Variants in SBF2 observed in about 807,000 individuals in gnomAD.
SBF2 encodes myotubularin-related protein 13.
SBF2 carries 112 observed loss-of-function variants against 225.2 expected under a neutral mutation model. That is an observed-to-expected ratio of 0.50 (90% CI 0.43 to 0.58). SBF2 has a LOEUF of 0.58. SBF2 is among the 20% of genes least tolerant of loss of function. The pLI, the probability that SBF2 is intolerant of heterozygous loss-of-function variation, is 0.00. For missense variants in SBF2, 1,996 were observed against 2,206.2 expected (o/e 0.90, Z 1.91); for synonymous variants, 763 against 773.3 (o/e 0.99, Z 0.22).
At chr11:9,786,088 G>A (rs986036251) in intron 36 of SBF2, among the ~76,000 whole-genome samples, 3 of 152,006 alleles carry the variant, frequency 2.0e-5, no homozygotes, top group Admixed American at 6.5e-5. Context: ...TGCTGGTCTC[G>A]AACTCCTGAC....
intron 1 of SBF2, among the ~76,000 whole-genome samples, chr11:10,222,574 T>G (rs1323478059): frequency 2.0e-5 from 3 of 152,142 alleles, no homozygotes; most frequent in Non-Finnish European, 4.4e-5. Flanking sequence ...ATTACCGAAT[T>G]TGAAGAACTG....
At chr11:10,167,184 G>A (rs1443811504) in intron 2 of SBF2, among the ~76,000 whole-genome samples, 1 of 151,974 alleles carries the variant, frequency 6.6e-6, no homozygotes, top group Non-Finnish European at 1.5e-5. Context: ...ATACAAATAG[G>A]TCACACATTA....
intron 1 of SBF2, among the ~76,000 whole-genome samples, chr11:10,284,168 C>T (rs967421884): frequency 6.6e-6 from 1 of 152,140 alleles, no homozygotes; most frequent in African/African-American, 2.4e-5. Context: ...ACCCAGTTCC[C>T]TCCACTGGTG....
chr11:9,972,501 G>T (rs143729656), intron 13 of SBF2, among the ~76,000 whole-genome samples: 6 of 152,234 alleles, frequency 3.9e-5, no homozygotes, highest in African/African-American at 1.4e-4. Flanking sequence ...TTGTTTTTGA[G>T]ACAGAGTTTC....
chr11:10,008,892 T>A (rs1372835235), intron 6 of SBF2, among the ~76,000 whole-genome samples: 1 of 152,248 alleles, frequency 6.6e-6, no homozygotes, highest in East Asian at 1.9e-4. Context: ...TCTCAATGCT[T>A]ACCTCTTTTC....
chr11:10,177,314 TCAA>T (rs893617831), intron 2 of SBF2, among the ~76,000 whole-genome samples: 3 of 147,200 alleles, frequency 2.0e-5, no homozygotes, highest in Non-Finnish European at 4.5e-5. Context: ...CCACTCCTAT[TCAA>T]CATAGTGTTG....
At chr11:10,231,637 G>T (rs903679544) in intron 1 of SBF2, among the ~76,000 whole-genome samples, 1 of 152,198 alleles carries the variant, frequency 6.6e-6, no homozygotes, top group Non-Finnish European at 1.5e-5. Context: ...TTGGTGAACT[G>T]CAAATGCTGC....
At chr11:10,295,782 C>T (rs1210963922), upstream of SBF2, among the ~76,000 whole-genome samples, 3 of 152,112 alleles carry the variant, frequency 2.0e-5, no homozygotes, top group Admixed American at 6.5e-5. Flanking sequence ...CTGTAACTTC[C>T]CCTGATTCTG....
chr11:10,151,871 GAATA>G (rs1955211881), intron 2 of SBF2, among the ~76,000 whole-genome samples: 1 of 152,074 alleles, frequency 6.6e-6, no homozygotes, highest in South Asian at 2.1e-4. Flanking sequence ...ATTTTCCAAT[GAATA>G]GTCAACATTA....
Position 10,000,926 on chromosome 11 carries a change from A to G in SBF2, c.849T>C (p.Asp283=). Reference sequence around the variant, plus strand: ...GATGAATACTTACAAGTTCATGGACATCAGTTTTAAAGACAGAATGTACTC... The same window carrying G: ...GATGAATACTTACAAGTTCATGGACGTCAGTTTTAAAGACAGAATGTACTC... ...IIGVHSVFKT[D]VHELLDVIIA... The change falls in exon 8 of 40, where the codon GAT becomes GAC. Residue 283 remains aspartate, a synonymous_variant. Coordinates refer to ENST00000256190, the MANE Select transcript of SBF2 (RefSeq NM_030962.4). 6.4e-7 allele frequency: 1 copy of G among 1,562,906 alleles called. No individual in the cohort carries two copies. The highest frequency in any genetic ancestry group is 8.8e-7 in the Non-Finnish European group (1 of 1,133,546).
intron 6 of SBF2, among the ~76,000 whole-genome samples, chr11:10,009,364 C>T (rs1948342041): frequency 6.6e-6 from 1 of 152,178 alleles, no homozygotes; most frequent in South Asian, 2.1e-4. Context: ...ACCCATCAAC[C>T]TGTCATCTAC....
intron 6 of SBF2, among the ~76,000 whole-genome samples, chr11:10,009,208 T>C (rs1181181909): frequency 6.6e-6 from 1 of 152,222 alleles, no homozygotes; most frequent in African/African-American, 2.4e-5. Context: ...TTGTCATATA[T>C]AACATTTAAA....
chr11:9,883,384 C>G (rs938617674), intron 17 of SBF2, among the ~76,000 whole-genome samples: 1 of 152,046 alleles, frequency 6.6e-6, no homozygotes, highest in Non-Finnish European at 1.5e-5. Flanking sequence ...CAGGACATAG[C>G]AGAGGACTGC....
chr11:10,222,553 C>G (rs1958377196), intron 1 of SBF2, among the ~76,000 whole-genome samples: 1 of 152,044 alleles, frequency 6.6e-6, no homozygotes, highest in Admixed American at 6.6e-5. Flanking sequence ...CACTTGAAAA[C>G]AGATCAATAA....
At chr11:9,837,145 G>T (rs577062579) in intron 26 of SBF2, among the ~76,000 whole-genome samples, 6 of 152,158 alleles carry the variant, frequency 3.9e-5, no homozygotes, top group African/African-American at 1.2e-4. Flanking sequence ...TGGTGATAAT[G>T]GGCATCCTTG....
chr11:10,277,013 C>T (rs1465763830), intron 1 of SBF2, among the ~76,000 whole-genome samples: 2 of 151,892 alleles, frequency 1.3e-5, no homozygotes, highest in African/African-American at 4.8e-5. Context: ...AGGAGGATTC[C>T]TTGAGGCCAG....
chr11:9,865,159 G>A (rs1286530842), intron 17 of SBF2, among the ~76,000 whole-genome samples: 3 of 152,070 alleles, frequency 2.0e-5, no homozygotes, highest in African/African-American at 7.2e-5. Context: ...GTACAATGTT[G>A]TGTTTCATTC....
intron 12 of SBF2, among the ~76,000 whole-genome samples, chr11:9,991,162 T>C (rs1947416807): frequency 6.6e-6 from 1 of 152,228 alleles, no homozygotes; most frequent in Non-Finnish European, 1.5e-5. Context: ...AAGGCTGATA[T>C]GTTAGTAGAA....
chr11:10,113,158 T>A (rs1047675958), intron 2 of SBF2, among the ~76,000 whole-genome samples: 1 of 152,158 alleles, frequency 6.6e-6, no homozygotes, highest in Admixed American at 6.5e-5. Flanking sequence ...CACATCTGGC[T>A]GATTTTTTAA....
Sources: gnomAD v4.1 joint callset for allele counts (sites outside exome capture counted in the v4.1 genomes callset) on GRCh38, gnomAD v4.1.1 for gene constraint, MANE v1.5 for transcripts, NCBI Gene and HGNC (gene_info 2026-07-23, HGNC 2026-07-21) for gene names.